NIPAL2: variants seen among roughly 807,000 people sequenced by gnomAD.
NIPAL2 encodes NIPA-like protein 2.
NIPAL2 carries 43 observed loss-of-function variants against 48.9 expected under a neutral mutation model. The ratio of observed to expected loss-of-function variants is 0.88; its 90% CI spans 0.69 to 1.13. The LOEUF is 1.13. Ranked by LOEUF, NIPAL2 falls within the 50% of genes most tolerant of loss-of-function variation. The probability of loss-of-function intolerance (pLI) is 0.00; values close to 1 mark genes in which losing one functional copy is unlikely to be tolerated. For missense variants in NIPAL2, 446 were observed against 461.4 expected, an observed-to-expected ratio of 0.97 and a Z score of 0.31; for synonymous variants, 167 against 174.6, an observed-to-expected ratio of 0.96 and a Z score of 0.34.
intron 1 of NIPAL2, among the ~76,000 whole-genome samples, chr8:98,286,682 G>T (rs773570566): frequency 1.3e-5 from 2 of 151,862 alleles, no homozygotes; most frequent in Non-Finnish European, 2.9e-5. Flanking sequence ...GGTGGTACAC[G>T]CCTGTAGTCC....
chr8:98,190,678 T>C lies in NIPAL2; in HGVS notation c.*2300A>G, dbSNP rs1810269670. ...TGCTCTTCTGTTTACATCTTGTCTA[T>C]GGCTGCTTTAGTGCTACAATGGCAG... On this transcript the variant is annotated 3_prime_UTR_variant, in exon 11 of 11. Coordinates refer to ENST00000430223, the MANE Select transcript of NIPAL2 (RefSeq NM_001321635.2). The C allele has an allele frequency of 6.6e-6, 1 of 152,226 alleles. No homozygotes were observed. Among genetic ancestry groups the C allele is most frequent in the Non-Finnish European group, 1.5e-5 (1 of 68,052 alleles). 9.4% of individuals were successfully genotyped at this position (152,226 alleles called of 1,614,324 possible). A position where few individuals can be genotyped will look rare whatever the true frequency, so the allele number is the denominator to read the frequency against.
chr8:98,202,348 T>G (rs1329395955), intron 8 of NIPAL2, among the ~76,000 whole-genome samples: 1 of 152,176 alleles, frequency 6.6e-6, no homozygotes, highest in Admixed American at 6.5e-5. Flanking sequence ...CAAGAGGACC[T>G]TTCAGTTGCT....
chr8:98,242,943 A>G (rs1010239294), intron 3 of NIPAL2, among the ~76,000 whole-genome samples: 4 of 152,218 alleles, frequency 2.6e-5, no homozygotes, highest in African/African-American at 9.7e-5. Context: ...AACAATTTTA[A>G]AAATTACGTT....
rs536797899 is a variant in NIPAL2 at position 98,252,527 on chromosome 8, G to A, written c.312C>T (p.Asn104=). 2 of 1,614,050 alleles carry A rather than the reference G, an allele frequency of 1.2e-6. No homozygotes were observed. The highest frequency in any genetic ancestry group is 1.3e-5 in the African/African-American group (1 of 75,024). Residue 104 remains asparagine (N), a synonymous_variant, in exon 3 of 11, where the codon AAC becomes AAT. Transcript: ENST00000430223. ...TGGGAGCAAATCCATAGGCTGCAAA[G>A]TTCCCCGTCTCTCCCACGGCCATCA... ...VLLMAVGETG[N]FAAYGFAPIT...
rs541545563 is a variant in NIPAL2 at position 98,224,201 on chromosome 8, G to T, written c.437-1601C>A. ...GGCAAAATTCCAACAATACACAAGG[G>T]TGATTGGTGGAAAGTTAAATCTCAT... On this transcript the variant is annotated intron_variant, in intron 4 of 10. Coordinates refer to ENST00000430223, the MANE Select transcript of NIPAL2 (RefSeq NM_001321635.2). 6.6e-5 allele frequency among the ~76,000 whole-genome samples: 10 copies of T among 152,300 alleles called. No homozygotes were observed. The South Asian group carries it at 1.9e-3, about 28-fold the overall frequency.
At position 98,193,012 on chromosome 8, in the gene NIPAL2, G is replaced by A; in HGVS notation, c.1118C>T (p.Thr373Ile). 1 of 1,613,912 alleles carries A rather than the reference G, an allele frequency of 6.2e-7. No individual in the cohort carries two copies. ...YGTLPDGSDS[T>I]KSQSGEKKEV Reference sequence around the variant, plus strand: ...TTTCTTCTCTCCACTTTGGCTCTTTGTTGAGTCACTTCCATCAGGCAAAGT... The same window carrying A: ...TTTCTTCTCTCCACTTTGGCTCTTTATTGAGTCACTTCCATCAGGCAAAGT... Residue 373 changes from threonine to isoleucine, a missense_variant, in exon 11 of 11, where the codon ACA becomes ATA. Transcript: ENST00000430223.
Position 98,191,459 on chromosome 8 carries a change from A to G in NIPAL2, c.*1519T>C, listed in dbSNP as rs1264758106. ...TGTATTTTTCATACATTGGTGATCA[A>G]TTCAAATCTCTTTCCTTTGCAGCCA... On this transcript the variant is annotated 3_prime_UTR_variant, in exon 11 of 11. Transcript: ENST00000430223. 3.4e-5 allele frequency: 5 copies of G among 145,012 alleles called. No homozygotes were observed. The highest frequency in any genetic ancestry group is 2.4e-4 in the South Asian group (1 of 4,130). 9.0% of individuals were successfully genotyped at this position (145,012 alleles called of 1,614,324 possible). A position where few individuals can be genotyped will look rare whatever the true frequency, so the allele number is the denominator to read the frequency against.
intron 5 of NIPAL2, among the ~76,000 whole-genome samples, chr8:98,220,928 T>G (rs2130749235): frequency 6.7e-6 from 1 of 149,824 alleles, no homozygotes; most frequent in Non-Finnish European, 1.5e-5. Context: ...ATAACCCAGT[T>G]AACACCTTCA....
chr8:98,190,725 A>G lies in NIPAL2; in HGVS notation c.*2253T>C, dbSNP rs1273226695. On this transcript the variant is annotated 3_prime_UTR_variant, in exon 11 of 11. Transcript: ENST00000430223. ...GCAGAGTTGGGTAGTTGGGACAGAC[A>G]CCATGTCTGTCTGTTGGTACAGACA... 2 of 152,202 alleles carry G rather than the reference A, an allele frequency of 1.3e-5. No individual in the cohort carries two copies. Among genetic ancestry groups the G allele is most frequent in the African/African-American group, 4.8e-5 (2 of 41,450 alleles). 9.4% of individuals were successfully genotyped at this position (152,202 alleles called of 1,614,324 possible).
intron 1 of NIPAL2, among the ~76,000 whole-genome samples, chr8:98,256,677 T>G (rs932874402): frequency 6.6e-6 from 1 of 151,178 alleles, no homozygotes; most frequent in East Asian, 1.9e-4. Context: ...GGGGAGAAAC[T>G]GGAACACTTG....
chr8:98,224,882 G>T (rs1181553390), intron 4 of NIPAL2, among the ~76,000 whole-genome samples: 1 of 150,024 alleles, frequency 6.7e-6, no homozygotes, highest in African/African-American at 2.4e-5. Flanking sequence ...TTAGCCTCCC[G>T]AGTAGCTGGG....
chr8:98,288,306 T>C (rs1313053121), intron 1 of NIPAL2, among the ~76,000 whole-genome samples: 35 of 149,864 alleles, frequency 2.3e-4, no homozygotes, highest in African/African-American at 8.3e-4. Context: ...TTTTTTGTTC[T>C]TGCGATAGTT....
rs192417390 is a variant in NIPAL2, at chr8:98,191,600, G to A, written c.*1378C>T. On this transcript the variant is annotated 3_prime_UTR_variant, in exon 11 of 11. Transcript: ENST00000430223. Reference sequence around the variant, plus strand: ...AGTTAAACAACCTATTTAAATGCAAGACTATTGATTGGAATGATATTGGAC... The same window carrying A: ...AGTTAAACAACCTATTTAAATGCAAAACTATTGATTGGAATGATATTGGAC... 1 of 152,142 alleles carries A rather than the reference G, an allele frequency of 6.6e-6. No individual in the cohort carries two copies. The highest frequency in any genetic ancestry group is 1.5e-5 in the Non-Finnish European group (1 of 68,034). 9.4% of individuals were successfully genotyped at this position (152,142 alleles called of 1,614,324 possible). A position where few individuals can be genotyped will look rare whatever the true frequency, so the allele number is the denominator to read the frequency against.
chr8:98,214,593 C>T (rs10093856), intron 5 of NIPAL2, among the ~76,000 whole-genome samples: 63,432 of 151,788 alleles, frequency 0.42, 13,634 homozygotes, highest in South Asian at 0.53. Context: ...AGTTAGGGAC[C>T]TCACTCTTTT....
chr8:98,245,178 C>CA (rs1483774036), intron 3 of NIPAL2, among the ~76,000 whole-genome samples: 1 of 152,158 alleles, frequency 6.6e-6, no homozygotes, highest in Non-Finnish European at 1.5e-5. Context: ...AAGCAAACCA[C>CA]AAAAACACTT....
rs1383325956 is a variant in NIPAL2, at chr8:98,190,663, T to C, written c.*2315A>G. 1 of 152,240 alleles carries C rather than the reference T, an allele frequency of 6.6e-6. No homozygotes were observed. The highest frequency in any genetic ancestry group is 1.5e-5 in the Non-Finnish European group (1 of 68,064). 9.4% of individuals were successfully genotyped at this position (152,240 alleles called of 1,614,324 possible). On this transcript the variant is annotated 3_prime_UTR_variant, in exon 11 of 11. Coordinates refer to ENST00000430223, the MANE Select transcript of NIPAL2 (RefSeq NM_001321635.2). The stretch of plus-strand genomic sequence containing the variant: ...ACTGGAACACAGCCATGCTCTTCTG[T>C]TTACATCTTGTCTATGGCTGCTTTA...
At chr8:98,209,617 C>G (rs190377489) in intron 6 of NIPAL2, among the ~76,000 whole-genome samples, 23 of 151,684 alleles carry the variant, frequency 1.5e-4, no homozygotes, top group African/African-American at 5.3e-4. Flanking sequence ...GGCTCTGTCT[C>G]AAAACAAAAC....
intron 3 of NIPAL2, among the ~76,000 whole-genome samples, chr8:98,242,488 A>ATTTTTTTTT (rs568464494): frequency 0.013 from 1,477 of 117,628 alleles, 69 homozygotes; most frequent in African/African-American, 0.045. Context: ...CACCTGACAG[A>ATTTTTTTTT]TTTTTTTTTT....
chr8:98,221,578 G>C (rs1811886441), intron 5 of NIPAL2, among the ~76,000 whole-genome samples: 1 of 151,940 alleles, frequency 6.6e-6, no homozygotes, highest in Non-Finnish European at 1.5e-5. Flanking sequence ...TAAGTTCTGG[G>C]ATACATGTGC....
Sources: gnomAD v4.1 joint callset for allele counts (sites outside exome capture counted in the v4.1 genomes callset) on GRCh38, gnomAD v4.1.1 for gene constraint, MANE v1.5 for transcripts, NCBI Gene and HGNC (gene_info 2026-07-23, HGNC 2026-07-21) for gene names.